The following FUT8 variants were observed in gnomAD, a reference collection of about 807,000 sequenced individuals.
FUT8 encodes the protein alpha-(1,6)-fucosyltransferase.
In FUT8, 29 loss-of-function variants were observed where a neutral mutation model predicts 71.3. The ratio of observed to expected loss-of-function variants is 0.41; its 90% confidence interval spans 0.30 to 0.55. FUT8 has a LOEUF of 0.55. FUT8 is among the 20% of genes least tolerant of loss of function. The pLI, the probability that FUT8 is intolerant of heterozygous loss-of-function variation, is 0.34. For missense variants in FUT8, 544 were observed against 702.1 expected, an observed-to-expected ratio of 0.77 and a Z score of 2.55; for synonymous variants, 254 against 239.3, an observed-to-expected ratio of 1.06 and a Z score of -0.57.
At chr14:65,431,974 T>C (rs1477064132) in intron 1 of FUT8, among the ~76,000 whole-genome samples, 2 of 152,214 alleles carry the variant, frequency 1.3e-5, no homozygotes, top group Non-Finnish European at 2.9e-5. Flanking sequence ...AAACAATTTA[T>C]GTCTGTTGTT....
chr14:65,504,517 C>T (rs188412257), intron 2 of FUT8, among the ~76,000 whole-genome samples: 1 of 152,260 alleles, frequency 6.6e-6, no homozygotes, highest in Admixed American at 6.5e-5. Flanking sequence ...TTGTCAGCTT[C>T]TTATATTCTA....
intron 2 of FUT8, among the ~76,000 whole-genome samples, chr14:65,477,872 T>TA (rs2066270789): frequency 1.3e-5 from 2 of 151,792 alleles, no homozygotes; most frequent in South Asian, 2.1e-4. Context: ...TTTTTTTTTT[T>TA]ACCCCCCTCA....
chr14:65,501,091 C>A (rs535704604), intron 2 of FUT8, among the ~76,000 whole-genome samples: 11 of 152,150 alleles, frequency 7.2e-5, no homozygotes, highest in African/African-American at 2.7e-4. Context: ...TTCCATCTAG[C>A]CATGATGGCT....
chr14:65,494,286 A>G (rs2066526484), intron 2 of FUT8, among the ~76,000 whole-genome samples: 2 of 152,184 alleles, frequency 1.3e-5, no homozygotes, highest in Non-Finnish European at 2.9e-5. Context: ...TTTTATTCAT[A>G]TTAAGTCTTT....
chr14:65,547,486 G>A (rs1885046582), intron 2 of FUT8, among the ~76,000 whole-genome samples: 1 of 151,240 alleles, frequency 6.6e-6, no homozygotes, highest in Non-Finnish European at 1.5e-5. Context: ...ATGAGGAGGG[G>A]GCAGGGTGGA....
At chr14:65,702,047 A>G (rs1894324141) in intron 7 of FUT8, among the ~76,000 whole-genome samples, 1 of 152,200 alleles carries the variant, frequency 6.6e-6, no homozygotes, top group South Asian at 2.1e-4. Context: ...AACCTCAGCT[A>G]TAAAATGGGA....
chr14:65,531,185 T>G (rs1478508182), intron 2 of FUT8, among the ~76,000 whole-genome samples: 1 of 151,812 alleles, frequency 6.6e-6, no homozygotes, highest in Admixed American at 6.6e-5. Context: ...GTTTAAAAAT[T>G]TTTTTCGAAA....
intron 2 of FUT8, among the ~76,000 whole-genome samples, chr14:65,532,759 T>C (rs1318473813): frequency 6.6e-6 from 1 of 152,198 alleles, no homozygotes; most frequent in African/African-American, 2.4e-5. Context: ...ATTCCAGGCT[T>C]TTTCATAGTT....
chr14:65,554,536 T>C lies in FUT8; in HGVS notation c.-227-6801T>C, dbSNP rs149190073. Among the ~76,000 whole-genome samples the C allele has an allele frequency of 1.6e-3, 236 of 152,054 alleles. 1 individual carries two copies. The highest frequency in any genetic ancestry group is 5.2e-3 in the African/African-American group (215 of 41,524). ...AACAAAGATTGAGGTGAATAGTATT[T>C]ATGCCCAGAAACGGGTACCCTTCTT... On this transcript the variant is annotated intron_variant, in intron 2 of 10. Coordinates refer to ENST00000673929, the MANE Select transcript of FUT8 (RefSeq NM_001371533.1).
At chr14:65,480,230 A>G (rs79092574) in intron 2 of FUT8, among the ~76,000 whole-genome samples, 3,549 of 149,992 alleles carry the variant, frequency 0.024, 112 homozygotes, top group Admixed American at 0.096. Flanking sequence ...GGCCCTTTCT[A>G]TCCCATCATT....
intron 1 of FUT8, among the ~76,000 whole-genome samples, chr14:65,454,372 A>G (rs1396983387): frequency 3.3e-5 from 5 of 152,136 alleles, no homozygotes; most frequent in Admixed American, 6.6e-5. Flanking sequence ...CATGTTTGCA[A>G]TCCCGGCACT....
rs1289741450 is a variant in FUT8, at chr14:65,643,641, G to A, written c.597+14035G>A. On this transcript the variant is annotated intron_variant, in intron 6 of 10. Coordinates refer to ENST00000673929, the MANE Select transcript of FUT8 (RefSeq NM_001371533.1). The surrounding 1 kb of genome is among the most constrained non-coding windows in gnomAD (Gnocchi z 4.5). ...TGCACTGCAGCCTGGGCGACAGAGC[G>A]AGACTCCGTCTTTAAAAAAAAAATA... Among the ~76,000 whole-genome samples the A allele has an allele frequency of 2.1e-5, 3 of 141,744 alleles. No individual in the cohort carries two copies. Among genetic ancestry groups the A allele is most frequent in the East Asian group, 4.3e-4 (2 of 4,696 alleles). The allele number at this position is 141,744 out of a possible 152,430, so 93.0% of individuals were successfully genotyped here.
intron 3 of FUT8, among the ~76,000 whole-genome samples, chr14:65,611,384 G>T (rs1474763149): frequency 6.7e-6 from 1 of 148,740 alleles, no homozygotes; most frequent in African/African-American, 2.5e-5. Flanking sequence ...CAGTTTAATT[G>T]ATTTTCTTTC....
In FUT8 at chr14:65,439,707, T is replaced by C. The variant is rs1043399890; in HGVS notation, c.-325-15914T>C. The stretch of plus-strand genomic sequence containing the variant: ...TTTTCTCTATGGATGTGGAGTACTT[T>C]TAAAGGAAAATAAATGCTCCCTTAA... On this transcript the variant is annotated intron_variant, in intron 1 of 10. Transcript: ENST00000673929. Among the ~76,000 whole-genome samples the C allele has an allele frequency of 2.6e-5, 4 of 151,890 alleles. No individual in the cohort carries two copies. The East Asian group carries it at 7.8e-4, about 29-fold the overall frequency.
chr14:65,393,686 GGGAAATAT>G, the FUT8 span, among the ~76,000 whole-genome samples: 1 of 152,192 alleles, frequency 6.6e-6, no homozygotes, highest in Non-Finnish European at 1.5e-5. Context: ...GATTATAAAG[GGGAAATAT>G]CAGTGGAGAC....
intron 5 of FUT8, 125 bp downstream of exon 5, chr14:65,616,498 C>A: frequency 2.5e-6 from 2 of 786,492 alleles, no homozygotes; most frequent in South Asian, 3.0e-5. Flanking sequence ...ATTTAAGAGG[C>A]GAAGAGTACC....
intron 6 of FUT8, among the ~76,000 whole-genome samples, chr14:65,634,705 C>T (rs1890450399): frequency 6.6e-6 from 1 of 151,994 alleles, no homozygotes; most frequent in Non-Finnish European, 1.5e-5. Context: ...TATTTTTATA[C>T]CAGTACCATG....
intron 7 of FUT8, among the ~76,000 whole-genome samples, chr14:65,699,851 G>A (rs1159906591): frequency 6.6e-6 from 1 of 151,990 alleles, no homozygotes; most frequent in African/African-American, 2.4e-5. Flanking sequence ...ATAATCATAC[G>A]CAAGTTACGT....
At chr14:65,665,467 A>G (rs1326541983) in intron 6 of FUT8, among the ~76,000 whole-genome samples, 1 of 152,190 alleles carries the variant, frequency 6.6e-6, no homozygotes, top group South Asian at 2.1e-4. Context: ...GAAGTGAAAG[A>G]AAGAACTTAT....
Sources: allele counts gnomAD v4.1 joint callset (sites outside exome capture counted in the v4.1 genomes callset), GRCh38; gene constraint gnomAD v4.1.1; non-coding constraint Gnocchi (gnomAD v3.1); transcripts MANE v1.5; gene names NCBI Gene and HGNC (gene_info 2026-07-23, HGNC 2026-07-21).